SFPQ: variants seen among roughly 807,000 people sequenced by gnomAD.
SFPQ encodes the protein splicing factor, proline- and glutamine-rich.
A neutral mutation model predicts 72.9 loss-of-function variants in SFPQ; 11 were observed. The observed-to-expected ratio is 0.15, with a 90% CI of 0.09 to 0.25. The LOEUF (loss-of-function observed/expected upper bound fraction) is 0.25. Ranked by LOEUF, SFPQ falls within the 10% of genes least tolerant of loss-of-function variation. The pLI is 1.00. For missense variants in SFPQ, 847 were observed against 993.3 expected, an observed-to-expected ratio of 0.85 and a Z score of 1.98; for synonymous variants, 506 against 367.3, an observed-to-expected ratio of 1.38 and a Z score of -4.32.
chr1:35,184,109 G>A lies in SFPQ; in HGVS notation c.*347C>T, dbSNP rs573384308. 2.5e-4 allele frequency: 285 copies of A among 1,120,180 alleles called. 6 individuals are homozygous for A. The South Asian group carries it at 7.9e-3, about 31-fold the overall frequency. 69.4% of individuals were successfully genotyped at this position (1,120,180 alleles called of 1,614,324 possible). ...GCATAGAAGCATGAATGGCAAAGTT[G>A]AAGATCAATATTATAACTATTTTTC... is the stretch of plus-strand genomic sequence containing the variant. On this transcript the variant is annotated 3_prime_UTR_variant, in exon 10 of 10. Coordinates refer to ENST00000357214, the MANE Select transcript of SFPQ (RefSeq NM_005066.3).
At position 35,187,973 on chromosome 1, in the gene SFPQ, T is replaced by C. The variant is rs769322705; in HGVS notation, c.1815A>G (p.Pro605=). The change falls in exon 7 of 10, where the codon CCA becomes CCG. Residue 605 remains proline (P), a splice_region_variant and synonymous_variant. Transcript: ENST00000357214. ...ESYSRMGYMD[P]RERDMRMGGG... ...TGGAAGGCAGTAAAGGCTGACTTACTGGATCCATGTAGCCCATTCGGCTGT... is the reference window on the plus strand; with the variant it reads ...TGGAAGGCAGTAAAGGCTGACTTACCGGATCCATGTAGCCCATTCGGCTGT... 8 of 1,606,580 alleles carry C rather than the reference T, an allele frequency of 5.0e-6. No individual in the cohort carries two copies. The highest frequency in any genetic ancestry group is 3.3e-5 in the Admixed American group (2 of 60,002).
chr1:35,189,685 A>C (rs1639899789), intron 4 of SFPQ, among the ~76,000 whole-genome samples: 1 of 152,100 alleles, frequency 6.6e-6, no homozygotes, highest in Admixed American at 6.6e-5. Context: ...GCGGTGGCTC[A>C]CCCCTGTAAT....
rs755354622 is a variant in SFPQ at position 35,191,414 on chromosome 1, C to G, written c.944G>C (p.Arg315Thr). Residue 315 changes from arginine to threonine, a missense_variant, in exon 2 of 10, where the codon AGA becomes ACA. Transcript: ENST00000357214. ...PADITEDEFK[R>T]LFAKYGEPGE... Reference sequence around the variant, plus strand: ...TGGTTCTCCATATTTAGCAAATAGTCTTTTGAATTCATCCTCCGTGATATC... The same window carrying G: ...TGGTTCTCCATATTTAGCAAATAGTGTTTTGAATTCATCCTCCGTGATATC... 1 of 1,614,098 alleles carries G rather than the reference C, an allele frequency of 6.2e-7. No homozygotes were observed. The highest frequency in any genetic ancestry group is 8.5e-7 in the Non-Finnish European group (1 of 1,179,960).
chr1:35,182,681 A>G (rs1378549854), downstream of SFPQ: 5 of 985,332 alleles, frequency 5.1e-6, no homozygotes, highest in East Asian at 2.3e-4. Flanking sequence ...AAGAGGTGAA[A>G]AGGAGGAAGA....
chr1:35,190,043 C>T (rs1639918711), intron 4 of SFPQ, among the ~76,000 whole-genome samples: 1 of 152,122 alleles, frequency 6.6e-6, no homozygotes, highest in Non-Finnish European at 1.5e-5. Context: ...GGCGACTCAC[C>T]TGAGGTCAGG....
At chr1:35,189,488 A>G in intron 4 of SFPQ, 106 bp from the exon 5 acceptor site, 1 of 859,620 alleles carries the variant, frequency 1.2e-6, no homozygotes, top group Non-Finnish European at 1.7e-6. Context: ...TAAAGAGTAC[A>G]AAAGGCAAAA....
At chr1:35,182,015 T>C, downstream of SFPQ, 1 of 985,414 alleles carries the variant, frequency 1.0e-6, no homozygotes, top group Non-Finnish European at 1.2e-6. Context: ...GATTATCCAT[T>C]AGCATCCTTC....
At chr1:35,179,504 A>T, downstream of SFPQ, 1 of 1,055,630 alleles carries the variant, frequency 9.5e-7, no homozygotes, top group Non-Finnish European at 1.1e-6. Context: ...CAAAATTATG[A>T]AATACAATGC....
chr1:35,191,026 C>G, intron 2 of SFPQ, 31 bp from the exon 3 acceptor site: 1 of 1,573,366 alleles, frequency 6.4e-7, no homozygotes, highest in Non-Finnish European at 8.7e-7. Context: ...TGTTAATGAC[C>G]TCAAAATTGG....
In SFPQ at chr1:35,187,200, T is replaced by G. The variant is rs750009834; in HGVS notation, c.1864+3A>C. ...ATATCATTAATTTAAATTTCACACT[T>G]ACCTCCCATGTTCATTGCTCCTCCG... On this transcript the variant is annotated splice_donor_region_variant and intron_variant, in intron 8 of 9. Transcript: ENST00000357214. 6.2e-7 allele frequency: 1 copy of G among 1,614,024 alleles called. No individual in the cohort carries two copies. The highest frequency in any genetic ancestry group is 1.1e-5 in the South Asian group (1 of 91,080).
rs531904258 is a variant in SFPQ at position 35,176,942 on chromosome 1, G to A, written c.*105+377C>T. Among the ~76,000 whole-genome samples, 125 of 152,134 alleles carry A rather than the reference G, an allele frequency of 8.2e-4. 2 individuals carry two copies. Among genetic ancestry groups the A allele is most frequent in the South Asian group, 3.1e-3 (15 of 4,810 alleles). On this transcript the variant is annotated intron_variant and NMD_transcript_variant, in intron 5 of 5. Transcript: ENST00000460428. ...ATTAATTGTAATTAACAGGCAGGGC[G>A]GAGTGGCTCAAGCCTGTAATCCCAG...
In SFPQ at chr1:35,183,172, A is replaced by T; in HGVS notation, c.*1284T>A. 9.8e-7 allele frequency: 1 copy of T among 1,022,692 alleles called. No individual in the cohort carries two copies. Among genetic ancestry groups the T allele is most frequent in the Non-Finnish European group, 1.2e-6 (1 of 852,122 alleles). 63.4% of individuals were successfully genotyped at this position (1,022,692 alleles called of 1,614,324 possible). A position where few individuals can be genotyped will look rare whatever the true frequency, so the allele number is the denominator to read the frequency against. On this transcript the variant is annotated 3_prime_UTR_variant, in exon 10 of 10. Coordinates refer to ENST00000357214, the MANE Select transcript of SFPQ (RefSeq NM_005066.3). ...CAACAGAAGTAGCACAAGGAGATGT[A>T]AAAGTTACAGAGTACAAATGTATAT...
intron 9 of SFPQ, among the ~76,000 whole-genome samples, chr1:35,186,494 C>CA (rs1229632227): frequency 6.6e-6 from 1 of 152,150 alleles, no homozygotes; most frequent in African/African-American, 2.4e-5. Flanking sequence ...AACGACGAGT[C>CA]AAAACACTCA....
rs1291173648 is a variant in SFPQ at position 35,183,964 on chromosome 1, G to T, written c.*492C>A. ...ATGCATTTCTTCTTTTTAAAACAAAGGGGGCAATTATTTGTAGAAAGCAAT... is the reference window on the plus strand; with the variant it reads ...ATGCATTTCTTCTTTTTAAAACAAATGGGGCAATTATTTGTAGAAAGCAAT... On this transcript the variant is annotated 3_prime_UTR_variant, in exon 10 of 10. Coordinates refer to ENST00000357214, the MANE Select transcript of SFPQ (RefSeq NM_005066.3). 1.9e-6 allele frequency: 2 copies of T among 1,052,426 alleles called. No individual in the cohort carries two copies. Among genetic ancestry groups the T allele is most frequent in the Non-Finnish European group, 2.3e-6 (2 of 871,026 alleles). 65.2% of individuals were successfully genotyped at this position (1,052,426 alleles called of 1,614,324 possible).
chr1:35,193,069 T>C lies in SFPQ; in HGVS notation c.-20A>G. 1 of 1,535,308 alleles carries C rather than the reference T, an allele frequency of 6.5e-7. No individual in the cohort carries two copies. Among genetic ancestry groups the C allele is most frequent in the South Asian group, 1.2e-5 (1 of 85,390 alleles). Reference sequence around the variant, plus strand: ...AGACATGTCTGTGGTCAAGGGGCGGTCGAGGCAAAAGCGAAGAAGACGCTC... The same window carrying C: ...AGACATGTCTGTGGTCAAGGGGCGGCCGAGGCAAAAGCGAAGAAGACGCTC... On this transcript the variant is annotated 5_prime_UTR_variant, in exon 1 of 10. Transcript: ENST00000357214.
downstream of SFPQ, chr1:35,179,635 G>A: frequency 1.9e-6 from 2 of 1,055,092 alleles, no homozygotes; most frequent in Non-Finnish European, 2.3e-6. Flanking sequence ...AAGCTAGTAA[G>A]AACACACTAA....
rs1639543165 is a variant in SFPQ, at chr1:35,183,169, T to C, written c.*1287A>G. The C allele has an allele frequency of 2.0e-6, 2 of 1,023,320 alleles. No individual in the cohort carries two copies. Among genetic ancestry groups the C allele is most frequent in the Non-Finnish European group, 2.3e-6 (2 of 852,586 alleles). The allele number at this position is 1,023,320 out of a possible 1,614,324, so 63.4% of individuals were successfully genotyped here. A position where few individuals can be genotyped will look rare whatever the true frequency, so the allele number is the denominator to read the frequency against. On this transcript the variant is annotated 3_prime_UTR_variant, in exon 10 of 10. Coordinates refer to ENST00000357214, the MANE Select transcript of SFPQ (RefSeq NM_005066.3). ...GCCCAACAGAAGTAGCACAAGGAGATGTAAAAGTTACAGAGTACAAATGTA... is the reference window on the plus strand; with the variant it reads ...GCCCAACAGAAGTAGCACAAGGAGACGTAAAAGTTACAGAGTACAAATGTA...
downstream of SFPQ, chr1:35,178,097 A>G: frequency 8.3e-7 from 1 of 1,207,812 alleles, no homozygotes; most frequent in South Asian, 1.7e-5. Context: ...AGGTTTGAAA[A>G]TGCTAGTCAA....
Position 35,189,072 on chromosome 1 carries a change from TGTC to T in SFPQ, c.1625_1627del (p.Arg542del), listed in dbSNP as rs1399656014. 1 of 1,613,370 alleles carries T rather than the reference TGTC, an allele frequency of 6.2e-7. No individual in the cohort carries two copies. The highest frequency in any genetic ancestry group is 1.3e-5 in the African/African-American group (1 of 75,064). ...TTCTTCCATGCGTCTTAATTCTTCC[TGTC>T]GTCTCATCAGATCTGAACATTGGAA... On this transcript the variant is annotated inframe_deletion, in exon 6 of 10. Coordinates refer to ENST00000357214, the MANE Select transcript of SFPQ (RefSeq NM_005066.3).
Sources: allele counts gnomAD v4.1 joint callset (sites outside exome capture counted in the v4.1 genomes callset), GRCh38; gene constraint gnomAD v4.1.1; transcripts MANE v1.5; gene names NCBI Gene and HGNC (gene_info 2026-07-23, HGNC 2026-07-21).